The following FYN variants were observed in gnomAD, a reference collection of about 807,000 sequenced individuals.
FYN encodes FYN proto-oncogene, Src family tyrosine kinase.
A neutral mutation model predicts 70.2 loss-of-function variants in FYN; 10 were observed. The observed-to-expected ratio is 0.14, with a 90% CI of 0.09 to 0.24. The LOEUF (loss-of-function observed/expected upper bound fraction) is 0.24, where lower values mean the gene tolerates loss of function less well. Among genes scored for constraint, FYN ranks in the 10% least tolerant of loss-of-function variants. FYN has a pLI of 1.00. For missense variants in FYN, 319 were observed against 673.1 expected, an observed-to-expected ratio of 0.47 and a Z score of 5.82; for synonymous variants, 236 against 248.6, an observed-to-expected ratio of 0.95 and a Z score of 0.48.
At chr6:111,866,389 T>C (rs1774106887) in intron 1 of FYN, among the ~76,000 whole-genome samples, 2 of 152,216 alleles carry the variant, frequency 1.3e-5, no homozygotes, top group Admixed American at 1.3e-4. Context: ...TCGCCCAGGA[T>C]GGAATGCAGT....
chr6:111,865,690 T>C (rs1305535206), intron 1 of FYN, among the ~76,000 whole-genome samples: 1 of 152,200 alleles, frequency 6.6e-6, no homozygotes, highest in African/African-American at 2.4e-5. Flanking sequence ...TCTTTTTTCA[T>C]AGGAGCCAAA....
intron 2 of FYN, among the ~76,000 whole-genome samples, chr6:111,842,708 A>G (rs1773400695): frequency 6.6e-6 from 1 of 152,354 alleles, no homozygotes; most frequent in South Asian, 2.1e-4. Context: ...TCATGCGGAC[A>G]TGGCTTTAAA....
chr6:111,821,011 A>AT (rs944491248), intron 2 of FYN, among the ~76,000 whole-genome samples: 6 of 152,102 alleles, frequency 3.9e-5, no homozygotes, highest in South Asian at 2.1e-4. Context: ...AAGGAGGATA[A>AT]TTTTTTTTAA....
chr6:111,730,198 G>C (rs1452820459), intron 3 of FYN, among the ~76,000 whole-genome samples: 2 of 152,156 alleles, frequency 1.3e-5, no homozygotes, highest in African/African-American at 4.8e-5. Context: ...GCTGGGAGTG[G>C]GCGGTGAGTG....
chr6:111,686,122 G>A (rs745507781), intron 12 of FYN, among the ~76,000 whole-genome samples: 3 of 152,044 alleles, frequency 2.0e-5, no homozygotes, highest in Non-Finnish European at 2.9e-5. Flanking sequence ...AAATGGATGC[G>A]CTCTACAATT....
At chr6:111,790,247 T>TACACACACACACAC (rs61565042) in intron 2 of FYN, among the ~76,000 whole-genome samples, 2 of 125,874 alleles carry the variant, frequency 1.6e-5, no homozygotes, top group African/African-American at 3.0e-5. Flanking sequence ...GAACCTTAGA[T>TACACACACACACAC]ACACACACAC....
At chr6:111,853,861 CT>C (rs1483013378) in intron 1 of FYN, among the ~76,000 whole-genome samples, 1 of 152,124 alleles carries the variant, frequency 6.6e-6, no homozygotes, top group Non-Finnish European at 1.5e-5. Context: ...TGAAGTGATC[CT>C]CCTGCTTTGT....
intron 13 of FYN, among the ~76,000 whole-genome samples, chr6:111,665,337 G>T (rs183059132): frequency 1.2e-4 from 18 of 151,878 alleles, no homozygotes; most frequent in South Asian, 1.0e-3. Context: ...GAAAATCATG[G>T]TTTTTTTAAA....
At position 111,846,633 on chromosome 6, in the gene FYN, T is replaced by C. The variant is rs1470128737; in HGVS notation, c.-122-4A>G. 5.0e-6 allele frequency: 2 copies of C among 398,406 alleles called. No individual in the cohort carries two copies. The highest frequency in any genetic ancestry group is 8.8e-5 in the Admixed American group (2 of 22,668). The allele number at this position is 398,406 out of a possible 1,614,324, so 24.7% of individuals were successfully genotyped here. On this transcript the variant is annotated splice_polypyrimidine_tract_variant and splice_region_variant and intron_variant, in intron 1 of 13. Coordinates refer to ENST00000354650, the MANE Select transcript of FYN (RefSeq NM_002037.5). ...GCATCCTGCTTCTTCAAAAAAACTG[T>C]AGAAGAAGAAAAAAAAAAGTGAGAC...
intron 2 of FYN, among the ~76,000 whole-genome samples, chr6:111,842,779 C>G (rs1773403545): frequency 6.6e-6 from 1 of 152,114 alleles, no homozygotes; most frequent in African/African-American, 2.4e-5. Context: ...TAGATTTTCC[C>G]CCCACAAGAC....
intron 1 of FYN, among the ~76,000 whole-genome samples, chr6:111,857,673 T>A (rs1008255748): frequency 2.0e-5 from 3 of 152,020 alleles, no homozygotes; most frequent in Admixed American, 6.5e-5. Context: ...TTGATTATGA[T>A]CATTGCATTT....
intron 2 of FYN, among the ~76,000 whole-genome samples, chr6:111,800,891 T>C (rs1771962065): frequency 6.6e-6 from 1 of 152,288 alleles, no homozygotes; most frequent in South Asian, 2.1e-4. Flanking sequence ...CAAGTATAAA[T>C]GGCAAATGAC....
intron 2 of FYN, among the ~76,000 whole-genome samples, chr6:111,807,979 G>A (rs9374293): frequency 0.035 from 5,398 of 152,162 alleles, 142 homozygotes; most frequent in East Asian, 0.14. Flanking sequence ...GTGGTGGCAT[G>A]CACCTGTAGT....
At chr6:111,852,486 G>T (rs1279758825) in intron 1 of FYN, among the ~76,000 whole-genome samples, 1 of 152,160 alleles carries the variant, frequency 6.6e-6, no homozygotes, top group Non-Finnish European at 1.5e-5. Flanking sequence ...TGGTAGAGAA[G>T]TGGGGTGTTG....
chr6:111,773,645 G>GGGAAAGAGGGGGAAA (rs1803590678), intron 3 of FYN, among the ~76,000 whole-genome samples: 1 of 65,260 alleles, frequency 1.5e-5, no homozygotes, highest in Non-Finnish European at 2.9e-5. Context: ...GGGAGGGGGA[G>GGGAAAGAGGGGGAAA]GGAGAGGGGA....
At chr6:111,797,804 C>T (rs187313752) in intron 2 of FYN, among the ~76,000 whole-genome samples, 4 of 151,344 alleles carry the variant, frequency 2.6e-5, no homozygotes, top group East Asian at 3.9e-4. Flanking sequence ...ACTCTGTTGG[C>T]GAGGCTGGAG....
chr6:111,862,847 C>A (rs1774001739), intron 1 of FYN, among the ~76,000 whole-genome samples: 1 of 152,100 alleles, frequency 6.6e-6, no homozygotes, highest in African/African-American at 2.4e-5. Context: ...GGGATTCCAG[C>A]TGGGCCTAGA....
intron 3 of FYN, among the ~76,000 whole-genome samples, chr6:111,776,055 A>G (rs572063444): frequency 6.6e-6 from 1 of 152,318 alleles, no homozygotes; most frequent in East Asian, 1.9e-4. Context: ...CATTGTGTAA[A>G]TAAGAAGCTA....
At chr6:111,679,807 C>T (rs948433390) in intron 12 of FYN, among the ~76,000 whole-genome samples, 5 of 152,072 alleles carry the variant, frequency 3.3e-5, no homozygotes, top group Non-Finnish European at 7.4e-5. Context: ...CCCTTTGGGT[C>T]GGAGTGAATG....
Sources: allele counts gnomAD v4.1 joint callset (sites outside exome capture counted in the v4.1 genomes callset), GRCh38; gene constraint gnomAD v4.1.1; transcripts MANE v1.5; gene names NCBI Gene and HGNC (gene_info 2026-07-23, HGNC 2026-07-21).